FRMPD1: variants seen among roughly 807,000 people sequenced by gnomAD.
The protein encoded by FRMPD1 is FERM and PDZ domain-containing protein 1.
A neutral mutation model predicts 117.8 loss-of-function variants in FRMPD1; 76 were observed. The observed-to-expected ratio is 0.65, with a 90% CI of 0.54 to 0.78. The LOEUF (loss-of-function observed/expected upper bound fraction) is 0.78, where lower values mean the gene tolerates loss of function less well. FRMPD1 is among the 30% of genes least tolerant of loss of function. The pLI, the probability that FRMPD1 is intolerant of heterozygous loss-of-function variation, is 0.00. For synonymous variants in FRMPD1, 783 were observed against 770.4 expected (o/e 1.02, Z -0.27); for missense variants, 1,786 against 1,964.5 (o/e 0.91, Z 1.72).
intron 1 of FRMPD1, among the ~76,000 whole-genome samples, chr9:37,664,500 G>C (rs1369727769): frequency 6.6e-6 from 1 of 151,682 alleles, no homozygotes; most frequent in East Asian, 1.9e-4. Flanking sequence ...GCCCCGGTGT[G>C]TGTTGTTCCC....
rs1177134192 is a variant in FRMPD1 at position 37,714,645 on chromosome 9, A to ATTTTG, written c.408+3251_408+3252insTTTGT. 3.7e-4 allele frequency among the ~76,000 whole-genome samples: 48 copies of ATTTTG among 130,248 alleles called. 1 individual carries two copies. The East Asian group carries it at 7.8e-3, about 21-fold the overall frequency. The allele number at this position is 130,248 out of a possible 152,430, so 85.4% of individuals were successfully genotyped here. A position where few individuals can be genotyped will look rare whatever the true frequency, so the allele number is the denominator to read the frequency against. The stretch of plus-strand genomic sequence containing the variant: ...ATTTTGTTTTGTTTTATTTTATTTT[A>ATTTTG]TCTTATTTTATTTATTTTTGAGATG... On this transcript the variant is annotated intron_variant, in intron 5 of 15. Coordinates refer to ENST00000377765, the MANE Select transcript of FRMPD1 (RefSeq NM_014907.3).
At chr9:37,649,300 A>C (rs2119344680), upstream of FRMPD1, among the ~76,000 whole-genome samples, 1 of 152,354 alleles carries the variant, frequency 6.6e-6, no homozygotes, top group Non-Finnish European at 1.5e-5. Flanking sequence ...TTAAGAAATA[A>C]TTCAGAGAGC....
the FRMPD1 span, among the ~76,000 whole-genome samples, chr9:37,635,651 C>T: frequency 6.6e-6 from 1 of 152,172 alleles, no homozygotes; most frequent in African/African-American, 2.4e-5. Flanking sequence ...AGGCAAGAGA[C>T]AGCACGAGGG....
the FRMPD1 span, among the ~76,000 whole-genome samples, chr9:37,629,654 C>A: frequency 6.6e-6 from 1 of 152,174 alleles, no homozygotes; most frequent in Non-Finnish European, 1.5e-5. Flanking sequence ...CTTTACTGGA[C>A]CTCTTTATAC....
chr9:37,733,915 G>A (rs1343808186), intron 12 of FRMPD1, 90 bp downstream of exon 12: 2 of 792,008 alleles, frequency 2.5e-6, no homozygotes, highest in Non-Finnish European at 4.4e-6. Flanking sequence ...TAAAATTCCT[G>A]AGGACTCTGT....
rs537470908 is a variant in FRMPD1, at chr9:37,664,759, A to G, written c.-5+13665A>G. ...GAACTACAAATAAAATCAGCAATAA[A>G]AGCAAAGAAAAGAACTGCAAACAGA... On this transcript the variant is annotated intron_variant, in intron 1 of 15. Coordinates refer to ENST00000377765, the MANE Select transcript of FRMPD1 (RefSeq NM_014907.3). 3.3e-5 allele frequency among the ~76,000 whole-genome samples: 5 copies of G among 152,316 alleles called. No homozygotes were observed. The South Asian group carries it at 1.0e-3, about 32-fold the overall frequency.
chr9:37,720,011 C>T (rs879673900), intron 6 of FRMPD1, among the ~76,000 whole-genome samples: 13 of 151,834 alleles, frequency 8.6e-5, no homozygotes, highest in Non-Finnish European at 1.8e-4. Context: ...GTCTTCTCAC[C>T]ATAGAGACCA....
At chr9:37,634,749 AT>A in the FRMPD1 span, among the ~76,000 whole-genome samples, 389 of 149,204 alleles carry the variant, frequency 2.6e-3, 3 homozygotes, top group African/African-American at 8.9e-3. Flanking sequence ...AATTTTGGAG[AT>A]TTTTTTTCTT....
In FRMPD1 at chr9:37,746,294, G is replaced by T; in HGVS notation, c.4262G>T (p.Gly1421Val). The stretch of plus-strand genomic sequence containing the variant: ...GCCACCCCTGCCAGCACCCCTGAGG[G>T]CTTCATCCAACTCATGGAGAGCTTG... ...LKATPASTPE[G>V]FIQLMESLLE... The change falls in exon 16 of 16, where the codon GGC (glycine) becomes GTC (valine). Residue 1421 changes from glycine (G) to valine (V), a missense_variant. Coordinates refer to ENST00000377765, the MANE Select transcript of FRMPD1 (RefSeq NM_014907.3). The T allele has an allele frequency of 1.2e-6, 2 of 1,612,654 alleles. No individual in the cohort carries two copies. The highest frequency in any genetic ancestry group is 1.7e-6 in the Non-Finnish European group (2 of 1,179,750).
At position 37,746,346 on chromosome 9, in the gene FRMPD1, T is replaced by G; in HGVS notation, c.4314T>G (p.Thr1438=). Residue 1438 remains threonine, a synonymous_variant, in exon 16 of 16, where the codon ACT becomes ACG. Transcript: ENST00000377765. The part of the protein sequence containing the change: ...SLLELQDILE[T]SWGVGNKHPP... ...TGGAGCTACAAGACATTTTAGAAACTTCCTGGGGGGTTGGAAACAAACATC... is the reference window on the plus strand; with the variant it reads ...TGGAGCTACAAGACATTTTAGAAACGTCCTGGGGGGTTGGAAACAAACATC... 2 of 1,612,602 alleles carry G rather than the reference T, an allele frequency of 1.2e-6. No homozygotes were observed. Among genetic ancestry groups the G allele is most frequent in the Non-Finnish European group, 1.7e-6 (2 of 1,179,708 alleles).
the FRMPD1 span, among the ~76,000 whole-genome samples, chr9:37,613,620 C>T: frequency 6.6e-6 from 1 of 152,168 alleles, no homozygotes; most frequent in Non-Finnish European, 1.5e-5. Context: ...GGGTAGTCAA[C>T]CATGGACTGA....
At position 37,731,103 on chromosome 9, in the gene FRMPD1, G is replaced by A. The variant is rs1193310465; in HGVS notation, c.858G>A (p.Gln286=). The change falls in exon 9 of 16, where the codon CAG becomes CAA. Residue 286 remains glutamine, a splice_region_variant and synonymous_variant. Coordinates refer to ENST00000377765, the MANE Select transcript of FRMPD1 (RefSeq NM_014907.3). The part of the protein sequence containing the change: ...DPVAFEYLYL[Q]SCSDVLQERF... ...TGGCCTTTGAATACCTCTATCTGCA[G>A]GTGACTGGGTCTGTGCTTCCTAAAA... The A allele has an allele frequency of 1.2e-6, 2 of 1,613,412 alleles. No homozygotes were observed. Among genetic ancestry groups the A allele is most frequent in the East Asian group, 2.2e-5 (1 of 44,884 alleles).
At chr9:37,691,794 C>T (rs992809769) in intron 1 of FRMPD1, among the ~76,000 whole-genome samples, 1 of 152,182 alleles carries the variant, frequency 6.6e-6, no homozygotes, top group Non-Finnish European at 1.5e-5. Flanking sequence ...GTCCCAGCTA[C>T]TCGGGAGGCT....
intron 1 of FRMPD1, among the ~76,000 whole-genome samples, chr9:37,684,768 T>C (rs776924448): frequency 8.6e-5 from 13 of 152,030 alleles, no homozygotes; most frequent in South Asian, 2.1e-4. Flanking sequence ...TTTTTTTTAT[T>C]TTTGAGACAG....
chr9:37,714,444 G>A (rs986232863), intron 5 of FRMPD1, among the ~76,000 whole-genome samples: 2 of 152,166 alleles, frequency 1.3e-5, no homozygotes. Context: ...TCCAGGAAGA[G>A]AGGAACGTGC....
At chr9:37,649,730 T>C (rs1215713095), upstream of FRMPD1, among the ~76,000 whole-genome samples, 2 of 152,198 alleles carry the variant, frequency 1.3e-5, no homozygotes, top group African/African-American at 2.4e-5. Context: ...AGTCTGATGG[T>C]GCCTCAACCC....
chr9:37,626,833 C>T, the FRMPD1 span, among the ~76,000 whole-genome samples: 1 of 151,882 alleles, frequency 6.6e-6, no homozygotes, highest in East Asian at 1.9e-4. Flanking sequence ...TACCACATAC[C>T]TACTGAATCA....
intron 2 of FRMPD1, among the ~76,000 whole-genome samples, chr9:37,700,861 A>C (rs989575695): frequency 6.6e-6 from 1 of 152,214 alleles, no homozygotes; most frequent in Non-Finnish European, 1.5e-5. Context: ...TGAAACGATT[A>C]CAAAGGCAGC....
At chr9:37,711,739 C>T (rs1271182218) in intron 5 of FRMPD1, among the ~76,000 whole-genome samples, 1 of 152,142 alleles carries the variant, frequency 6.6e-6, no homozygotes. Flanking sequence ...TCAGTTTTCA[C>T]TTTTGTAAAA....
Sources: allele counts gnomAD v4.1 joint callset (sites outside exome capture counted in the v4.1 genomes callset), GRCh38; gene constraint gnomAD v4.1.1; transcripts MANE v1.5; gene names NCBI Gene and HGNC (gene_info 2026-07-23, HGNC 2026-07-21).